The following GALNT17 variants were observed in gnomAD, a reference collection of about 807,000 sequenced individuals.
GALNT17 encodes polypeptide N-acetylgalactosaminyltransferase 17.
A neutral mutation model predicts 63.7 loss-of-function variants in GALNT17; 29 were observed. The observed-to-expected ratio is 0.46, with a 90% confidence interval of 0.34 to 0.62. The LOEUF (loss-of-function observed/expected upper bound fraction) is 0.62. Among genes scored for constraint, GALNT17 ranks in the 20% least tolerant of loss-of-function variants. The pLI, the probability that GALNT17 is intolerant of heterozygous loss-of-function variation, is 0.01. For missense variants in GALNT17, 603 were observed against 799.6 expected (o/e 0.75, Z 2.97); for synonymous variants, 305 against 318.3 (o/e 0.96, Z 0.45).
At chr7:71,698,215 A>G (rs778132579) in intron 9 of GALNT17, among the ~76,000 whole-genome samples, 3 of 152,106 alleles carry the variant, frequency 2.0e-5, no homozygotes, top group Non-Finnish European at 4.4e-5. Flanking sequence ...ACATTTTCAG[A>G]TAAACTAAAT....
At chr7:71,580,402 T>TAGATAGAG (rs1789617557) in intron 6 of GALNT17, among the ~76,000 whole-genome samples, 1 of 97,128 alleles carries the variant, frequency 1.0e-5, no homozygotes, top group African/African-American at 5.2e-5. Context: ...AGATGGATGA[T>TAGATAGAG]AGATAGATAG....
chr7:71,240,954 C>T (rs932751718), intron 1 of GALNT17, among the ~76,000 whole-genome samples: 2 of 151,998 alleles, frequency 1.3e-5, no homozygotes, highest in South Asian at 4.1e-4. Context: ...GTGAGCCACT[C>T]GTACTACATT....
intron 2 of GALNT17, among the ~76,000 whole-genome samples, chr7:71,379,663 G>A (rs1792808585): frequency 6.6e-6 from 1 of 152,178 alleles, no homozygotes; most frequent in South Asian, 2.1e-4. Context: ...GACTCCTGAA[G>A]AGACAGGGTG....
chr7:71,148,874 A>ATT (rs1788079372), intron 1 of GALNT17, among the ~76,000 whole-genome samples: 1 of 141,982 alleles, frequency 7.0e-6, no homozygotes, highest in South Asian at 2.2e-4. Flanking sequence ...ATATATATAT[A>ATT]TATATATATA....
Position 71,529,004 on chromosome 7 carries a change from G to A in GALNT17, c.963-42281G>A, listed in dbSNP as rs1308197816. Among the ~76,000 whole-genome samples, 5 of 152,106 alleles carry A rather than the reference G, an allele frequency of 3.3e-5. No individual in the cohort carries two copies. The East Asian group carries it at 7.7e-4, about 24-fold the overall frequency. On this transcript the variant is annotated intron_variant, in intron 5 of 10. Coordinates refer to ENST00000333538, the MANE Select transcript of GALNT17 (RefSeq NM_022479.3). ...ACAAAAATTAGCCAGGCAGGGTGGC[G>A]AGTGCCTGTAGACCCAGCTACTAAG...
chr7:71,697,868 A>G (rs1286031313), intron 9 of GALNT17, among the ~76,000 whole-genome samples: 1 of 152,128 alleles, frequency 6.6e-6, no homozygotes, highest in African/African-American at 2.4e-5. Flanking sequence ...CATGCCTATA[A>G]TCCCAGCACT....
chr7:71,371,401 A>T (rs1324912000), intron 2 of GALNT17, among the ~76,000 whole-genome samples: 2 of 152,192 alleles, frequency 1.3e-5, no homozygotes, highest in African/African-American at 4.8e-5. Flanking sequence ...TTTATTACTC[A>T]TGAAGTTCTA....
chr7:71,524,137 A>G (rs1176914296), intron 5 of GALNT17, among the ~76,000 whole-genome samples: 2 of 150,810 alleles, frequency 1.3e-5, no homozygotes, highest in African/African-American at 2.4e-5. Flanking sequence ...AAAAAGAAAG[A>G]AACTCTGGGC....
intron 1 of GALNT17, among the ~76,000 whole-genome samples, chr7:71,321,967 T>G (rs1563001458): frequency 7.1e-6 from 1 of 140,582 alleles, no homozygotes; most frequent in Non-Finnish European, 1.5e-5. Flanking sequence ...CTTCCTTTTT[T>G]TTGAGACAGA....
At chr7:71,605,256 G>A (rs1168836281) in intron 6 of GALNT17, among the ~76,000 whole-genome samples, 1 of 152,048 alleles carries the variant, frequency 6.6e-6, no homozygotes, top group Admixed American at 6.6e-5. Context: ...ACACAGCAAA[G>A]GAGTGCCTAC....
intron 6 of GALNT17, among the ~76,000 whole-genome samples, chr7:71,647,439 C>T (rs1161335732): frequency 6.6e-6 from 1 of 152,134 alleles, no homozygotes; most frequent in African/African-American, 2.4e-5. Context: ...TGCCCAGTTC[C>T]TCCTGCTCCT....
At chr7:71,710,160 C>T (rs978017877) in intron 9 of GALNT17, among the ~76,000 whole-genome samples, 1 of 152,090 alleles carries the variant, frequency 6.6e-6, no homozygotes, top group African/African-American at 2.4e-5. Context: ...TTCCTTCTCC[C>T]CGATGTTGCT....
intron 5 of GALNT17, among the ~76,000 whole-genome samples, chr7:71,447,963 C>A (rs1787189144): frequency 6.6e-6 from 1 of 152,190 alleles, no homozygotes; most frequent in Non-Finnish European, 1.5e-5. Flanking sequence ...TTTCACTTCT[C>A]TTCTGTGTCC....
At chr7:71,170,375 A>C (rs903425969) in intron 1 of GALNT17, among the ~76,000 whole-genome samples, 2 of 151,978 alleles carry the variant, frequency 1.3e-5, no homozygotes, top group African/African-American at 4.8e-5. Flanking sequence ...TCACTCTGTC[A>C]CCCAGGCTGT....
At chr7:71,455,750 A>G (rs1787344024) in intron 5 of GALNT17, among the ~76,000 whole-genome samples, 2 of 152,184 alleles carry the variant, frequency 1.3e-5, no homozygotes, top group African/African-American at 4.8e-5. Context: ...GGCAAATATC[A>G]CAGTGGCTAG....
At chr7:71,300,045 T>G (rs537167587) in intron 1 of GALNT17, among the ~76,000 whole-genome samples, 13 of 152,268 alleles carry the variant, frequency 8.5e-5, no homozygotes, top group Admixed American at 2.0e-4. Flanking sequence ...CCCAAAGTGC[T>G]GGGATCAGAG....
intron 5 of GALNT17, among the ~76,000 whole-genome samples, chr7:71,550,474 G>A (rs550025921): frequency 4.9e-4 from 74 of 151,950 alleles, no homozygotes; most frequent in Admixed American, 1.9e-3. Flanking sequence ...TCTGCCTCCC[G>A]GGTTCAAGCA....
Position 71,388,356 on chromosome 7 carries a change from C to G in GALNT17, c.544C>G (p.His182Asp). 6.2e-7 allele frequency: 1 copy of G among 1,614,018 alleles called. No individual in the cohort carries two copies. Among genetic ancestry groups the G allele is most frequent in the Non-Finnish European group, 8.5e-7 (1 of 1,179,984 alleles). Residue 182 changes from histidine (H) to aspartate (D), a missense_variant, in exon 3 of 11, where the codon CAC (histidine) becomes GAC (aspartate). Around this residue, in one of 3 missense-constraint regions of GALNT17, gnomAD observed 336 missense variants for 507.8 expected, o/e 0.66. Coordinates refer to ENST00000333538, the MANE Select transcript of GALNT17 (RefSeq NM_022479.3). Reference protein sequence around the residue: ...VHSAVNHTPTHLLKEIILVDD... With the variant: ...VHSAVNHTPTDLLKEIILVDD... ...CAGTGCCGTCAATCACACGCCCACACACCTGCTGAAGGAAATCATTCTGGT... is the reference window on the plus strand; with the variant it reads ...CAGTGCCGTCAATCACACGCCCACAGACCTGCTGAAGGAAATCATTCTGGT...
intron 6 of GALNT17, among the ~76,000 whole-genome samples, chr7:71,574,889 C>A (rs1410986460): frequency 6.6e-6 from 1 of 152,136 alleles, no homozygotes; most frequent in African/African-American, 2.4e-5. Context: ...CAGAAAGGAG[C>A]CCAGGTGAGA....
Sources: gnomAD v4.1 joint callset for allele counts (sites outside exome capture counted in the v4.1 genomes callset) on GRCh38, gnomAD v4.1.1 for gene constraint, gnomAD v4.1.1 regional missense constraint, MANE v1.5 for transcripts, NCBI Gene and HGNC (gene_info 2026-07-23, HGNC 2026-07-21) for gene names.